MAPT: variants seen among roughly 807,000 people sequenced by gnomAD.
MAPT encodes the protein microtubule associated protein tau.
Under a neutral mutation model 67.9 loss-of-function variants are expected in MAPT, and 34 were observed. That is an observed-to-expected ratio of 0.50 (90% CI 0.38 to 0.67). MAPT has a LOEUF of 0.67. Among genes scored for constraint, MAPT ranks in the 30% least tolerant of loss-of-function variants. The pLI is 0.00. For missense variants in MAPT, 881 were observed against 1,115.2 expected (o/e 0.79, Z 2.99); for synonymous variants, 456 against 464.5 (o/e 0.98, Z 0.23).
At chr17:45,974,548 G>A in intron 3 of MAPT, 2 of 1,177,072 alleles carry the variant, frequency 1.7e-6, no homozygotes, top group African/African-American at 3.0e-5. Context: ...CAGAAGTGAG[G>A]GAGCTTTGCG....
chr17:45,924,610 G>A (rs1472040013), intron 1 of MAPT, among the ~76,000 whole-genome samples: 1 of 152,196 alleles, frequency 6.6e-6, no homozygotes, highest in East Asian at 1.9e-4. Context: ...AGGGCCCCAA[G>A]CCCCCATTTC....
intron 1 of MAPT, among the ~76,000 whole-genome samples, chr17:45,918,474 CCT>C (rs1198521225): frequency 1.3e-5 from 2 of 152,134 alleles, no homozygotes; most frequent in East Asian, 3.9e-4. Context: ...AATCATAGCA[CCT>C]CTCTTTCAGG....
intron 1 of MAPT, among the ~76,000 whole-genome samples, chr17:45,939,235 A>G (rs2067644855): frequency 6.6e-6 from 1 of 152,100 alleles, no homozygotes; most frequent in Non-Finnish European, 1.5e-5. Flanking sequence ...CTGGGATTAC[A>G]GCATGAGCCA....
At chr17:45,990,477 G>A (rs760312232) in intron 7 of MAPT, 16 of 451,334 alleles carry the variant, frequency 3.5e-5, no homozygotes, top group South Asian at 2.1e-4. Context: ...AGCCGGGCGT[G>A]GTGGTATGCG....
At chr17:45,997,346 G>A (rs2074571192) in intron 9 of MAPT, among the ~76,000 whole-genome samples, 1 of 152,124 alleles carries the variant, frequency 6.6e-6, no homozygotes, top group South Asian at 2.1e-4. Flanking sequence ...CCAGGTGTGG[G>A]CGGGTGGGTT....
At chr17:45,992,265 C>T (rs2145777435) in intron 8 of MAPT, among the ~76,000 whole-genome samples, 1 of 152,334 alleles carries the variant, frequency 6.6e-6, no homozygotes, top group South Asian at 2.1e-4. Flanking sequence ...AGTGGCAGCT[C>T]TCGGAGCCTC....
At chr17:45,983,971 C>T (rs756255122) in intron 5 of MAPT, 41 bp downstream of exon 5, 9 of 1,374,866 alleles carry the variant, frequency 6.5e-6, no homozygotes, top group East Asian at 2.3e-5. Flanking sequence ...CTGGGGACCT[C>T]CCAGGCCTCC....
chr17:45,972,534 A>G (rs62063304), intron 3 of MAPT, among the ~76,000 whole-genome samples: 21,623 of 152,244 alleles, frequency 0.14, 2,122 homozygotes, highest in Non-Finnish European at 0.22. Flanking sequence ...GTCAGTCAAG[A>G]CTGCATTTGG....
intron 4 of MAPT, among the ~76,000 whole-genome samples, chr17:45,982,012 C>A (rs1431215041): frequency 7.4e-6 from 1 of 134,780 alleles, no homozygotes. Context: ...GAACGAGACC[C>A]TGTCTCAAAA....
chr17:45,895,565 G>A (rs558158882), intron 1 of MAPT: 2 of 152,382 alleles, frequency 1.3e-5, no homozygotes, highest in South Asian at 4.1e-4. Context: ...GATGGGCGCG[G>A]GGCTGCAGGT....
At chr17:46,009,054 C>T (rs1308799286) in intron 9 of MAPT, among the ~76,000 whole-genome samples, 1 of 152,080 alleles carries the variant, frequency 6.6e-6, no homozygotes, top group Non-Finnish European at 1.5e-5. Context: ...AAAAAATTTG[C>T]CAGGTGTGGT....
At position 45,935,342 on chromosome 17, in the gene MAPT, C is replaced by G. The variant is rs114501524; in HGVS notation, c.-17-26979C>G. Among the ~76,000 whole-genome samples the G allele has an allele frequency of 7.6e-3, 1,163 of 152,242 alleles. 17 individuals carry two copies. Among genetic ancestry groups the G allele is most frequent in the African/African-American group, 0.027 (1,107 of 41,524 alleles). Reference sequence around the variant, plus strand: ...TGCAGCAACCTTTCCTAATGCAGTCCTGGCCTCTTCGCAGCTTCATTACAT... The same window carrying G: ...TGCAGCAACCTTTCCTAATGCAGTCGTGGCCTCTTCGCAGCTTCATTACAT... On this transcript the variant is annotated intron_variant, in intron 1 of 12. Transcript: ENST00000262410.
At chr17:46,000,340 T>C (rs1275124848) in intron 9 of MAPT, among the ~76,000 whole-genome samples, 3 of 152,142 alleles carry the variant, frequency 2.0e-5, no homozygotes, top group African/African-American at 7.2e-5. Flanking sequence ...ACAGTGAACA[T>C]AGATTGCTTT....
intron 1 of MAPT, among the ~76,000 whole-genome samples, chr17:45,923,928 A>G (rs534256923): frequency 3.3e-5 from 5 of 152,306 alleles, no homozygotes; most frequent in African/African-American, 7.2e-5. Context: ...CCTGCTTTTT[A>G]GGGTTGAGAA....
chr17:45,965,847 T>G (rs947048068), intron 2 of MAPT, among the ~76,000 whole-genome samples: 10 of 152,378 alleles, frequency 6.6e-5, no homozygotes, highest in African/African-American at 2.4e-4. Flanking sequence ...TGTAGCACTC[T>G]ACTGTTGGCA....
chr17:46,009,460 T>G lies in MAPT; in HGVS notation c.1999-850T>G, dbSNP rs138567740. On this transcript the variant is annotated intron_variant, in intron 9 of 12. Coordinates refer to ENST00000262410, the MANE Select transcript of MAPT (RefSeq NM_001377265.1). ...AAAGAACCTTCCAGAAATGCAGTCG[T>G]GGGAGACCCATCCAGGCCACCCCTG... is the stretch of plus-strand genomic sequence containing the variant. 8.8e-5 allele frequency among the ~76,000 whole-genome samples: 11 copies of G among 124,300 alleles called. 1 individual carries two copies. The East Asian group carries it at 1.7e-3, about 20-fold the overall frequency. The allele number at this position is 124,300 out of a possible 152,430, so 81.5% of individuals were successfully genotyped here. A position where few individuals can be genotyped will look rare whatever the true frequency, so the allele number is the denominator to read the frequency against.
chr17:45,898,805 G>C (rs1432590955), intron 1 of MAPT: 1 of 152,180 alleles, frequency 6.6e-6, no homozygotes, highest in Non-Finnish European at 1.5e-5. Flanking sequence ...CATACAAGAG[G>C]TATTCGGTCC....
chr17:45,996,400 T>G lies in MAPT; in HGVS notation c.1734T>G (p.Gly578=), dbSNP rs1470246502. The change falls in exon 9 of 13, where the codon GGT becomes GGG. Residue 578 remains glycine, a splice_region_variant and synonymous_variant. Coordinates refer to ENST00000262410, the MANE Select transcript of MAPT (RefSeq NM_001377265.1). The surrounding 1 kb of genome is among the most constrained non-coding windows in gnomAD (Gnocchi z 4.5). ...PPAPKTPPSS[G]EPPKSGDRSG... is the part of the protein sequence containing the mutation. ...TTCACTCCCTTCCTTCCTTCCCAGG[T>G]GAACCTCCAAAATCAGGGGATCGCA... 6.2e-7 allele frequency: 1 copy of G among 1,611,342 alleles called. No homozygotes were observed. Among genetic ancestry groups the G allele is most frequent in the African/African-American group, 1.3e-5 (1 of 74,824 alleles).
Position 46,010,126 on chromosome 17 carries a change from TG to T in MAPT, c.1999-183del, listed in dbSNP as rs1372427952. ...CTCTATCCCTTCAGCTCCCCTGGGA[TG>T]TGACTCAACCTCCCGTCACTCCCCA... On this transcript the variant is annotated intron_variant, in intron 9 of 12. Transcript: ENST00000262410. This position sits in a 1 kb window ranked among gnomAD's most constrained non-coding sequence, Gnocchi z 4.7. 6.6e-6 allele frequency among the ~76,000 whole-genome samples: 1 copy of T among 152,184 alleles called. No homozygotes were observed. The highest frequency in any genetic ancestry group is 2.4e-5 in the African/African-American group (1 of 41,452).
Sources: gnomAD v4.1 joint callset for allele counts (sites outside exome capture counted in the v4.1 genomes callset) on GRCh38, gnomAD v4.1.1 for gene constraint, Gnocchi (gnomAD v3.1) non-coding constraint, MANE v1.5 for transcripts, NCBI Gene and HGNC (gene_info 2026-07-23, HGNC 2026-07-21) for gene names.